Variants in SCLT1 observed in about 807,000 individuals in gnomAD.
The protein encoded by SCLT1 is sodium channel and clathrin linker 1.
A neutral mutation model predicts 112.8 loss-of-function variants in SCLT1; 78 were observed. The ratio of observed to expected loss-of-function variants is 0.69; its 90% CI spans 0.58 to 0.83. SCLT1 has a LOEUF of 0.83. Ranked by LOEUF, SCLT1 falls within the 40% of genes least tolerant of loss-of-function variation. The pLI, the probability that SCLT1 is intolerant of heterozygous loss-of-function variation, is 0.00. For synonymous variants in SCLT1, 257 were observed against 254.7 expected (o/e 1.01, Z -0.09); for missense variants, 747 against 770.4 (o/e 0.97, Z 0.36).
rs1040467869 is a variant in SCLT1 at position 128,950,941 on chromosome 4, C to T, written c.1218+1828G>A. Among the ~76,000 whole-genome samples the T allele has an allele frequency of 2.6e-5, 4 of 152,078 alleles. No homozygotes were observed. The East Asian group carries it at 5.8e-4, about 22-fold the overall frequency. On this transcript the variant is annotated intron_variant, in intron 14 of 20. Transcript: ENST00000281142. ...AAGGCTGTTAGGTACGTGTTGGTCT[C>T]CAAAGGGAGATATGTAGCTTGAAAT...
chr4:129,002,725 G>A (rs1250268373), intron 6 of SCLT1, among the ~76,000 whole-genome samples: 3 of 151,984 alleles, frequency 2.0e-5, no homozygotes, highest in African/African-American at 7.2e-5. Flanking sequence ...AAATCAAAAT[G>A]ACAATAGAAT....
intron 11 of SCLT1, among the ~76,000 whole-genome samples, chr4:128,964,137 G>C (rs1488823915): frequency 1.3e-5 from 2 of 152,152 alleles, no homozygotes; most frequent in African/African-American, 2.4e-5. Context: ...TGATATACCA[G>C]TGTCCCATAC....
intron 2 of SCLT1, among the ~76,000 whole-genome samples, chr4:129,073,837 C>T (rs1198083987): frequency 6.6e-6 from 1 of 152,078 alleles, no homozygotes. Flanking sequence ...TTTTCATATT[C>T]TCTCCTATAT....
intron 2 of SCLT1, among the ~76,000 whole-genome samples, chr4:129,061,821 C>T (rs552448411): frequency 8.0e-4 from 122 of 152,172 alleles, no homozygotes; most frequent in Non-Finnish European, 1.5e-3. Flanking sequence ...GAGCTACTTG[C>T]CCCCAGAGCA....
In SCLT1 at chr4:129,015,878, C is replaced by T. The variant is rs568084448; in HGVS notation, c.291-12002G>A. ...TCCTTCTGAGAATCTGTTAGGAGTA[C>T]GCCAGTCATCTCCATCCATCAGTGG... On this transcript the variant is annotated intron_variant, in intron 5 of 20. Coordinates refer to ENST00000281142, the MANE Select transcript of SCLT1 (RefSeq NM_144643.4). Among the ~76,000 whole-genome samples, 15 of 152,234 alleles carry T rather than the reference C, an allele frequency of 9.9e-5. 1 individual carries two copies. The highest frequency in any genetic ancestry group is 4.1e-4 in the South Asian group (2 of 4,820).
intron 18 of SCLT1, among the ~76,000 whole-genome samples, chr4:128,902,285 C>T (rs1734377729): frequency 6.6e-6 from 1 of 152,146 alleles, no homozygotes; most frequent in Non-Finnish European, 1.5e-5. Flanking sequence ...AGTCATGCAT[C>T]AGTTAATAAT....
chr4:129,001,350 G>A (rs1275040338), intron 6 of SCLT1, among the ~76,000 whole-genome samples: 1 of 151,786 alleles, frequency 6.6e-6, no homozygotes, highest in Non-Finnish European at 1.5e-5. Flanking sequence ...GGGGTGGGGA[G>A]GCACAGCAGA....
chr4:128,937,890 A>G (rs1737348819), intron 17 of SCLT1, among the ~76,000 whole-genome samples: 1 of 152,200 alleles, frequency 6.6e-6, no homozygotes, highest in South Asian at 2.1e-4. Flanking sequence ...TCCAATGTAT[A>G]TAATGACTTG....
intron 18 of SCLT1, among the ~76,000 whole-genome samples, chr4:128,929,766 T>C (rs1579407742): frequency 6.6e-6 from 1 of 152,220 alleles, no homozygotes; most frequent in East Asian, 1.9e-4. Context: ...TGTCATTAAA[T>C]GTTTCAGGGA....
chr4:128,904,718 G>T (rs1734564300), intron 18 of SCLT1, among the ~76,000 whole-genome samples: 1 of 152,024 alleles, frequency 6.6e-6, no homozygotes. Context: ...GATCTAAAAG[G>T]CAAAATAAAT....
chr4:129,083,818 A>C (rs953768956), intron 1 of SCLT1, among the ~76,000 whole-genome samples: 1 of 152,256 alleles, frequency 6.6e-6, no homozygotes, highest in Non-Finnish European at 1.5e-5. Flanking sequence ...GTCTGAAGTT[A>C]CAAATGCATT....
Position 128,965,336 on chromosome 4 carries a change from T to C in SCLT1, c.778-18A>G. The C allele has an allele frequency of 6.6e-7, 1 of 1,503,910 alleles. No homozygotes were observed. 93.2% of individuals were successfully genotyped at this position (1,503,910 alleles called of 1,614,324 possible). A position where few individuals can be genotyped will look rare whatever the true frequency, so the allele number is the denominator to read the frequency against. On this transcript the variant is annotated intron_variant, in intron 10 of 20. Coordinates refer to ENST00000281142, the MANE Select transcript of SCLT1 (RefSeq NM_144643.4). ...TCCTTCTCCTAGAAAATAAAGAAAC[T>C]AGAAGCTTACTTTGAGTATGTGAAA... is the stretch of plus-strand genomic sequence containing the variant.
chr4:128,923,898 T>C (rs1736080391), intron 18 of SCLT1, among the ~76,000 whole-genome samples: 1 of 151,974 alleles, frequency 6.6e-6, no homozygotes, highest in Non-Finnish European at 1.5e-5. Flanking sequence ...AGCTGCAAAC[T>C]CCCAGGCTCA....
At chr4:128,999,968 T>C (rs1211677753) in intron 6 of SCLT1, among the ~76,000 whole-genome samples, 174 bp from the exon 7 acceptor site, 1 of 151,912 alleles carries the variant, frequency 6.6e-6, no homozygotes, top group East Asian at 1.9e-4. Flanking sequence ...TATTAATAAT[T>C]TAGAGAGTAA....
intron 5 of SCLT1, among the ~76,000 whole-genome samples, chr4:129,023,983 G>C (rs1056763357): frequency 6.6e-6 from 1 of 152,212 alleles, no homozygotes; most frequent in African/African-American, 2.4e-5. Context: ...AGCGAGGCTG[G>C]GGGAGGGGCG....
chr4:128,945,263 G>A (rs1300755470), intron 16 of SCLT1, among the ~76,000 whole-genome samples: 3 of 152,120 alleles, frequency 2.0e-5, no homozygotes, highest in Non-Finnish European at 4.4e-5. Context: ...CCCCGTGAAT[G>A]TATGGTATTG....
intron 2 of SCLT1, among the ~76,000 whole-genome samples, chr4:129,071,404 C>A (rs1017565653): frequency 6.6e-6 from 1 of 152,108 alleles, no homozygotes; most frequent in Non-Finnish European, 1.5e-5. Context: ...TAATGTGTTG[C>A]TGTCTATCTC....
intron 18 of SCLT1, among the ~76,000 whole-genome samples, chr4:128,916,906 G>A (rs2125954951): frequency 6.6e-6 from 1 of 152,216 alleles, no homozygotes; most frequent in East Asian, 1.9e-4. Context: ...GTTTTGAGAA[G>A]CTGAGTGTAC....
intron 14 of SCLT1, 157 bp downstream of exon 14, chr4:128,952,612 T>C (rs1313076502): frequency 1.6e-6 from 1 of 627,930 alleles, no homozygotes; most frequent in Middle Eastern, 2.5e-4. Flanking sequence ...ACAAGGCTGC[T>C]GCAAACATGT....
Sources: allele counts gnomAD v4.1 joint callset (sites outside exome capture counted in the v4.1 genomes callset), GRCh38; gene constraint gnomAD v4.1.1; transcripts MANE v1.5; gene names NCBI Gene and HGNC (gene_info 2026-07-23, HGNC 2026-07-21).